Variants in KLHL14 observed in about 807,000 individuals in gnomAD.
KLHL14 encodes the protein kelch like family member 14, also known as kelch-like protein 14.
Under a neutral mutation model 64.3 loss-of-function variants are expected in KLHL14, and 22 were observed. That is an observed-to-expected ratio of 0.34 (90% CI 0.24 to 0.49). The LOEUF (loss-of-function observed/expected upper bound fraction) is 0.49, where lower values mean the gene tolerates loss of function less well. Among genes scored for constraint, KLHL14 ranks in the 20% least tolerant of loss-of-function variants. KLHL14 has a pLI of 0.99. For synonymous variants in KLHL14, 322 were observed against 333.4 expected, an observed-to-expected ratio of 0.97 and a Z score of 0.37; for missense variants, 661 against 789.0, an observed-to-expected ratio of 0.84 and a Z score of 1.94.
rs2049795678 is a variant in KLHL14 at position 32,673,481 on chromosome 18, C to T, written c.*1176G>A. On this transcript the variant is annotated 3_prime_UTR_variant, in exon 9 of 9. Transcript: ENST00000359358. ...CCTGACCTTCTGCTCCTGAATTCCT[C>T]ATGCTCCTCAAGACAACTAGCAATT... 6.6e-6 allele frequency: 1 copy of T among 152,208 alleles called. No homozygotes were observed. The highest frequency in any genetic ancestry group is 2.4e-5 in the African/African-American group (1 of 41,458). 9.4% of individuals were successfully genotyped at this position (152,208 alleles called of 1,614,324 possible).
At position 32,674,434 on chromosome 18, in the gene KLHL14, G is replaced by A. The variant is rs2049800594; in HGVS notation, c.*223C>T. The A allele has an allele frequency of 2.2e-6, 1 of 458,246 alleles. No individual in the cohort carries two copies. The highest frequency in any genetic ancestry group is 3.9e-6 in the Non-Finnish European group (1 of 255,806). 28.4% of individuals were successfully genotyped at this position (458,246 alleles called of 1,614,324 possible). A position where few individuals can be genotyped will look rare whatever the true frequency, so the allele number is the denominator to read the frequency against. ...GGATAAGTTAAAACCAGTCTGAAAT[G>A]GAAGAGTCTGTCACCACAGGAAGTT... On this transcript the variant is annotated 3_prime_UTR_variant, in exon 9 of 9. Transcript: ENST00000359358.
intron 2 of KLHL14, among the ~76,000 whole-genome samples, chr18:32,756,685 T>G (rs2050283785): frequency 1.3e-5 from 2 of 152,188 alleles, no homozygotes; most frequent in Admixed American, 1.3e-4. Context: ...TTAAGTGCCT[T>G]AAGGGTGGTG....
At chr18:32,700,774 C>T (rs1036727670) in intron 3 of KLHL14, among the ~76,000 whole-genome samples, 1 of 151,984 alleles carries the variant, frequency 6.6e-6, no homozygotes, top group African/African-American at 2.4e-5. Flanking sequence ...ATGATAAGTG[C>T]AAGAAGAAAA....
At position 32,687,539 on chromosome 18, in the gene KLHL14, T is replaced by A. The variant is rs371788845; in HGVS notation, c.1160-306A>T. Among the ~76,000 whole-genome samples, 9 of 152,246 alleles carry A rather than the reference T, an allele frequency of 5.9e-5. No individual in the cohort carries two copies. In the East Asian group the frequency reaches 9.7e-4, roughly 16 times the overall value. On this transcript the variant is annotated intron_variant, in intron 4 of 8. Transcript: ENST00000359358. Reference sequence around the variant, plus strand: ...TTTTGTTACAGTGTTAGGATAAAAATATCTCAGGTGTTATTGGTGTTTTAA... The same window carrying A: ...TTTTGTTACAGTGTTAGGATAAAAAAATCTCAGGTGTTATTGGTGTTTTAA...
At chr18:32,737,689 T>A (rs1200974205) in intron 3 of KLHL14, 1 of 152,128 alleles carries the variant, frequency 6.6e-6, no homozygotes, top group Non-Finnish European at 1.5e-5. Context: ...CTGGATGGGA[T>A]CAAGTTAAAT....
At chr18:32,708,326 T>C (rs2050000991) in intron 3 of KLHL14, among the ~76,000 whole-genome samples, 1 of 152,188 alleles carries the variant, frequency 6.6e-6, no homozygotes, top group Non-Finnish European at 1.5e-5. Context: ...TCGCCCTTTT[T>C]ATTCCATAGG....
At chr18:32,711,059 G>A (rs2050016866) in intron 3 of KLHL14, among the ~76,000 whole-genome samples, 1 of 152,122 alleles carries the variant, frequency 6.6e-6, no homozygotes, top group African/African-American at 2.4e-5. Flanking sequence ...CCCCTCCTTA[G>A]ATCTTGGTAA....
In KLHL14 at chr18:32,673,742, C is replaced by T. The variant is rs975871234; in HGVS notation, c.*915G>A. On this transcript the variant is annotated 3_prime_UTR_variant, in exon 9 of 9. Coordinates refer to ENST00000359358, the MANE Select transcript of KLHL14 (RefSeq NM_020805.3). ...TATTCTTTCTTTTCATCCCTGAATT[C>T]CTGAAAACAATCTCCCATTTTTTTT... is the stretch of plus-strand genomic sequence containing the variant. 6.6e-6 allele frequency: 1 copy of T among 152,094 alleles called. No homozygotes were observed. Among genetic ancestry groups the T allele is most frequent in the Admixed American group, 6.6e-5 (1 of 15,256 alleles). The allele number at this position is 152,094 out of a possible 1,614,324, so 9.4% of individuals were successfully genotyped here.
chr18:32,735,339 G>C (rs913064079), intron 3 of KLHL14, among the ~76,000 whole-genome samples: 7 of 152,066 alleles, frequency 4.6e-5, no homozygotes, highest in African/African-American at 1.7e-4. Context: ...GTGACCCTAG[G>C]TATATAGCAC....
chr18:32,709,242 T>A (rs778305327), intron 3 of KLHL14, among the ~76,000 whole-genome samples: 2 of 152,170 alleles, frequency 1.3e-5, no homozygotes, highest in Admixed American at 6.5e-5. Flanking sequence ...TCCAAACATG[T>A]TCCTGTGTCA....
At chr18:32,693,641 CT>C (rs1419321939) in intron 4 of KLHL14, among the ~76,000 whole-genome samples, 1 of 151,956 alleles carries the variant, frequency 6.6e-6, no homozygotes, top group African/African-American at 2.4e-5. Context: ...AATTTATCCT[CT>C]GGGGCTTCAT....
Position 32,674,559 on chromosome 18 carries a change from A to AAG in KLHL14, c.*97_*98insCT. The AAG allele has an allele frequency of 1.5e-6, 1 of 685,224 alleles. No individual in the cohort carries two copies. The highest frequency in any genetic ancestry group is 2.7e-6 in the Non-Finnish European group (1 of 371,266). The allele number at this position is 685,224 out of a possible 1,614,324, so 42.4% of individuals were successfully genotyped here. On this transcript the variant is annotated 3_prime_UTR_variant, in exon 9 of 9. Coordinates refer to ENST00000359358, the MANE Select transcript of KLHL14 (RefSeq NM_020805.3). Reference sequence around the variant, plus strand: ...TCAGAAACCAAGGGTGGGTTTTGGCAGTTGTACCATTAGAATGCATTGTTC... The same window carrying AAG: ...TCAGAAACCAAGGGTGGGTTTTGGCAAGGTTGTACCATTAGAATGCATTGTTC...
chr18:32,720,326 A>G (rs938882363), intron 3 of KLHL14, among the ~76,000 whole-genome samples: 2 of 152,182 alleles, frequency 1.3e-5, no homozygotes, highest in African/African-American at 4.8e-5. Context: ...GAAACAGAAG[A>G]TCATAGTGAC....
intron 2 of KLHL14, among the ~76,000 whole-genome samples, chr18:32,761,052 A>G (rs1289455811): frequency 6.6e-6 from 1 of 152,208 alleles, no homozygotes; most frequent in Non-Finnish European, 1.5e-5. Flanking sequence ...TGTCTTTTAA[A>G]ATTAATAATA....
Position 32,770,664 on chromosome 18 carries a change from A to C in KLHL14, c.-43-30T>G. The C allele has an allele frequency of 6.9e-6, 1 of 144,528 alleles. No homozygotes were observed. Among genetic ancestry groups the C allele is most frequent in the Non-Finnish European group, 1.2e-5 (1 of 82,318 alleles). The allele number at this position is 144,528 out of a possible 1,614,324, so 9.0% of individuals were successfully genotyped here. ...CAGACAGGGGTGGGGGATGGGAGGG[A>C]GGGGAGCAGGGTGGTGGAGCGGGTG... On this transcript the variant is annotated intron_variant, in intron 1 of 8. Transcript: ENST00000359358. The surrounding 1 kb of genome is among the most constrained non-coding windows in gnomAD (Gnocchi z 6.7).
chr18:32,707,669 C>CGAA (rs2049997221), intron 3 of KLHL14, among the ~76,000 whole-genome samples: 1 of 152,158 alleles, frequency 6.6e-6, no homozygotes, highest in South Asian at 2.1e-4. Context: ...ACCAAGCTTC[C>CGAA]CTGGTAGATA....
At chr18:32,677,589 T>G (rs1054553536) in intron 7 of KLHL14, among the ~76,000 whole-genome samples, 1 of 152,218 alleles carries the variant, frequency 6.6e-6, no homozygotes, top group Non-Finnish European at 1.5e-5. Context: ...TATATGTGGA[T>G]AGATCTTATT....
chr18:32,760,196 T>C (rs905217906), intron 2 of KLHL14, among the ~76,000 whole-genome samples: 5 of 152,274 alleles, frequency 3.3e-5, no homozygotes, highest in African/African-American at 1.2e-4. Flanking sequence ...CAGCACCAGA[T>C]TGTGAATTGT....
intron 3 of KLHL14, among the ~76,000 whole-genome samples, chr18:32,698,163 GCAAA>G (rs1187994917): frequency 6.6e-6 from 1 of 152,158 alleles, no homozygotes; most frequent in African/African-American, 2.4e-5. Context: ...GTGAACAAGA[GCAAA>G]CAATTGTTTA....
Sources: gnomAD v4.1 joint callset for allele counts (sites outside exome capture counted in the v4.1 genomes callset) on GRCh38, gnomAD v4.1.1 for gene constraint, Gnocchi (gnomAD v3.1) non-coding constraint, MANE v1.5 for transcripts, NCBI Gene and HGNC (gene_info 2026-07-23, HGNC 2026-07-21) for gene names.